Variants in AP3B1 observed in about 807,000 individuals in gnomAD.
AP3B1 encodes the protein adaptor related protein complex 3 subunit beta 1.
Under a neutral mutation model 132.5 loss-of-function variants are expected in AP3B1, and 61 were observed. The observed-to-expected ratio is 0.46, with a 90% CI of 0.37 to 0.57. The LOEUF (loss-of-function observed/expected upper bound fraction) is 0.57, where lower values mean the gene tolerates loss of function less well. AP3B1 is among the 20% of genes least tolerant of loss of function. AP3B1 has a pLI of 0.00. For synonymous variants in AP3B1, 388 were observed against 438.3 expected, an observed-to-expected ratio of 0.89 and a Z score of 1.43; for missense variants, 1,120 against 1,289.4, an observed-to-expected ratio of 0.87 and a Z score of 2.01.
intron 14 of AP3B1, among the ~76,000 whole-genome samples, chr5:78,143,988 G>A (rs1221693001): frequency 1.3e-5 from 2 of 152,026 alleles, no homozygotes; most frequent in African/African-American, 4.8e-5. Context: ...CTGGGTGACA[G>A]AGCGAGACTC....
rs142896279 is a variant in AP3B1 at position 78,074,751 on chromosome 5, C to T, written c.2577+14642G>A. ...ATCACCTGAGGTTAGGAGTTCGAGA[C>T]CAGCCTGACCAACATGGAGAAACCC... On this transcript the variant is annotated intron_variant, in intron 22 of 26. Transcript: ENST00000255194. 7.8e-3 allele frequency among the ~76,000 whole-genome samples: 1,185 copies of T among 152,274 alleles called. 15 individuals are homozygous for T. Among genetic ancestry groups the T allele is most frequent in the African/African-American group, 0.027 (1,114 of 41,558 alleles).
chr5:78,158,554 T>C (rs993893869), intron 13 of AP3B1, among the ~76,000 whole-genome samples: 4 of 152,254 alleles, frequency 2.6e-5, no homozygotes, highest in South Asian at 2.1e-4. Context: ...CTCACAATAA[T>C]GTAAAGTAGG....
chr5:78,028,134 A>G (rs116810017), intron 24 of AP3B1, among the ~76,000 whole-genome samples: 1,837 of 151,894 alleles, frequency 0.012, 18 homozygotes, highest in Non-Finnish European at 0.02. Context: ...CAAAACAACA[A>G]AAAAAAAGAA....
At chr5:78,158,014 G>T (rs1743226298) in intron 13 of AP3B1, among the ~76,000 whole-genome samples, 1 of 152,138 alleles carries the variant, frequency 6.6e-6, no homozygotes, top group South Asian at 2.1e-4. Context: ...CTCCCAAAGT[G>T]CTGGGATTAC....
intron 11 of AP3B1, among the ~76,000 whole-genome samples, chr5:78,171,936 T>C (rs1478785779): frequency 6.6e-6 from 1 of 152,232 alleles, no homozygotes; most frequent in East Asian, 1.9e-4. Context: ...TTATTGCGTG[T>C]TTTTAGCATG....
At chr5:78,154,046 T>C (rs1743028621) in intron 14 of AP3B1, among the ~76,000 whole-genome samples, 1 of 152,334 alleles carries the variant, frequency 6.6e-6, no homozygotes, top group East Asian at 1.9e-4. Context: ...GTGAATTTTG[T>C]GCCTTTGAAT....
intron 13 of AP3B1, among the ~76,000 whole-genome samples, chr5:78,159,501 C>T (rs1198087143): frequency 6.6e-6 from 1 of 152,122 alleles, no homozygotes; most frequent in East Asian, 1.9e-4. Flanking sequence ...CTTCCCCCTC[C>T]CAACTTCTCA....
intron 2 of AP3B1, among the ~76,000 whole-genome samples, chr5:78,266,738 T>G (rs1225417372): frequency 6.6e-6 from 1 of 152,164 alleles, no homozygotes; most frequent in East Asian, 1.9e-4. Context: ...ATGAATTTGA[T>G]TCCAGTGAAA....
In AP3B1 at chr5:78,138,448, T is replaced by C. The variant is rs181917212; in HGVS notation, c.1650+2695A>G. Among the ~76,000 whole-genome samples the C allele has an allele frequency of 7.9e-5, 12 of 152,000 alleles. No homozygotes were observed. The East Asian group carries it at 1.4e-3, about 17-fold the overall frequency. The stretch of plus-strand genomic sequence containing the variant: ...CGCCACTGTACTCCAGCCTGGGCGA[T>C]AGAGGGAGACTCTGCTCCAAAACAA... On this transcript the variant is annotated intron_variant, in intron 15 of 26. Transcript: ENST00000255194.
chr5:78,108,003 A>G (rs552534178), intron 20 of AP3B1, among the ~76,000 whole-genome samples: 10 of 152,372 alleles, frequency 6.6e-5, no homozygotes, highest in African/African-American at 2.4e-4. Context: ...GGAAACTGAA[A>G]CAAAGATATT....
At chr5:78,275,919 A>T (rs1748755315) in intron 1 of AP3B1, among the ~76,000 whole-genome samples, 1 of 152,202 alleles carries the variant, frequency 6.6e-6, no homozygotes, top group Non-Finnish European at 1.5e-5. Flanking sequence ...CAGAATAAAC[A>T]TTCTTTTCAA....
chr5:78,202,085 C>T (rs752709109), intron 7 of AP3B1, among the ~76,000 whole-genome samples: 1 of 152,010 alleles, frequency 6.6e-6, no homozygotes, highest in Admixed American at 6.6e-5. Context: ...GTGCTATGTT[C>T]GTGAATAAGT....
intron 14 of AP3B1, among the ~76,000 whole-genome samples, chr5:78,155,169 A>C (rs1165501287): frequency 1.3e-5 from 2 of 152,288 alleles, no homozygotes; most frequent in African/African-American, 2.4e-5. Flanking sequence ...GCAGACTGGT[A>C]GAGGTACTGC....
chr5:78,129,351 G>T (rs746835439), intron 15 of AP3B1, 44 bp from the exon 16 acceptor site: 6 of 1,438,962 alleles, frequency 4.2e-6, no homozygotes, highest in Non-Finnish European at 5.9e-6. Flanking sequence ...AGTTATTTAT[G>T]ATTATCGATA....
intron 19 of AP3B1, among the ~76,000 whole-genome samples, chr5:78,112,360 T>C (rs1751631480): frequency 6.6e-6 from 1 of 152,198 alleles, no homozygotes; most frequent in Non-Finnish European, 1.5e-5. Flanking sequence ...CTGGTTAAAA[T>C]GTGTACTTAA....
At chr5:78,102,160 C>T (rs558286302) in intron 20 of AP3B1, among the ~76,000 whole-genome samples, 44 of 152,146 alleles carry the variant, frequency 2.9e-4, no homozygotes, top group Middle Eastern at 3.4e-3. Flanking sequence ...AGCCACGAGA[C>T]GGTACCACTA....
chr5:78,173,666 G>C (rs1744021623), intron 11 of AP3B1, among the ~76,000 whole-genome samples: 1 of 144,962 alleles, frequency 6.9e-6, no homozygotes, highest in Non-Finnish European at 1.5e-5. Context: ...GTGTCTTGGG[G>C]TTGCTCTTCT....
At chr5:78,158,972 C>T (rs968353150) in intron 13 of AP3B1, among the ~76,000 whole-genome samples, 1 of 152,204 alleles carries the variant, frequency 6.6e-6, no homozygotes, top group Non-Finnish European at 1.5e-5. Flanking sequence ...GCTGGGACTA[C>T]AGGCGTGAGC....
chr5:78,218,962 T>C (rs144451845), intron 6 of AP3B1, among the ~76,000 whole-genome samples: 1 of 152,282 alleles, frequency 6.6e-6, no homozygotes, highest in African/African-American at 2.4e-5. Flanking sequence ...ATAATAGATC[T>C]ATCACAATAA....
Sources: gnomAD v4.1 joint callset for allele counts (sites outside exome capture counted in the v4.1 genomes callset) on GRCh38, gnomAD v4.1.1 for gene constraint, MANE v1.5 for transcripts, NCBI Gene and HGNC (gene_info 2026-07-23, HGNC 2026-07-21) for gene names.